The following LHFPL4 variants were observed in gnomAD, a reference collection of about 807,000 sequenced individuals.
LHFPL4 encodes the protein LHFPL tetraspan subfamily member 4.
A neutral mutation model predicts 20.0 loss-of-function variants in LHFPL4; 6 were observed. The ratio of observed to expected loss-of-function variants is 0.30; its 90% CI spans 0.16 to 0.59. LHFPL4 has a LOEUF of 0.59. Ranked by LOEUF, LHFPL4 falls within the 20% of genes least tolerant of loss-of-function variation. The pLI, the probability that LHFPL4 is intolerant of heterozygous loss-of-function variation, is 0.88. For missense variants in LHFPL4, 215 were observed against 331.2 expected (o/e 0.65, Z 2.72); for synonymous variants, 129 against 143.8 (o/e 0.90, Z 0.74).
chr3:9,520,081 C>G (rs907004872), intron 2 of LHFPL4, among the ~76,000 whole-genome samples: 3 of 152,226 alleles, frequency 2.0e-5, no homozygotes, highest in Non-Finnish European at 2.9e-5. Flanking sequence ...TATATGCATT[C>G]TATGCTATAA....
At chr3:9,534,533 T>A (rs2046433500) in intron 2 of LHFPL4, among the ~76,000 whole-genome samples, 1 of 152,196 alleles carries the variant, frequency 6.6e-6, no homozygotes, top group African/African-American at 2.4e-5. Flanking sequence ...TTTTCAGACA[T>A]ATTTATAAGA....
chr3:9,503,899 G>A (rs958912251), intron 3 of LHFPL4, among the ~76,000 whole-genome samples: 3 of 152,084 alleles, frequency 2.0e-5, no homozygotes, highest in Non-Finnish European at 4.4e-5. Flanking sequence ...GGTGGCGCAT[G>A]CCTGTAGTCC....
intron 2 of LHFPL4, chr3:9,550,515 T>C (rs1233895135): frequency 6.6e-6 from 1 of 152,168 alleles, no homozygotes; most frequent in Non-Finnish European, 1.5e-5. Flanking sequence ...TGAAATTCTA[T>C]TATTATATGG....
At chr3:9,512,803 T>C (rs1234632608) in intron 2 of LHFPL4, among the ~76,000 whole-genome samples, 4 of 152,222 alleles carry the variant, frequency 2.6e-5, no homozygotes, top group African/African-American at 9.6e-5. Flanking sequence ...GGAATGCAGA[T>C]GTGATGGTCA....
chr3:9,518,570 T>C (rs1363406292), intron 2 of LHFPL4, among the ~76,000 whole-genome samples: 1 of 152,238 alleles, frequency 6.6e-6, no homozygotes, highest in African/African-American at 2.4e-5. Flanking sequence ...TATTGATTAC[T>C]AATTCAATAG....
intron 2 of LHFPL4, among the ~76,000 whole-genome samples, chr3:9,514,229 C>T (rs2046282905): frequency 1.3e-5 from 2 of 151,952 alleles, no homozygotes; most frequent in Non-Finnish European, 2.9e-5. Flanking sequence ...AGCACTTGAG[C>T]CCAGAAGTTC....
intron 2 of LHFPL4, among the ~76,000 whole-genome samples, chr3:9,547,075 A>G (rs1464338270): frequency 2.6e-5 from 4 of 151,962 alleles, no homozygotes; most frequent in Non-Finnish European, 4.4e-5. Flanking sequence ...TGCAGCCTCA[A>G]CCTCCTGAGC....
intron 2 of LHFPL4, among the ~76,000 whole-genome samples, chr3:9,510,709 G>C (rs552383165): frequency 1.7e-4 from 26 of 152,050 alleles, no homozygotes; most frequent in Non-Finnish European, 2.8e-4. Context: ...AGGCCAAGAC[G>C]AGTGGATCAC....
intron 2 of LHFPL4, among the ~76,000 whole-genome samples, chr3:9,533,827 G>C (rs746563884): frequency 6.6e-6 from 1 of 151,922 alleles, no homozygotes; most frequent in African/African-American, 2.4e-5. Flanking sequence ...TGACTGGAAG[G>C]GGGAATGAGG....
At chr3:9,550,833 C>T (rs1358797639) in intron 2 of LHFPL4, 1 of 152,196 alleles carries the variant, frequency 6.6e-6, no homozygotes, top group Non-Finnish European at 1.5e-5. Flanking sequence ...ATGTCCACAT[C>T]TGCCTTCTTC....
chr3:9,502,837 A>G (rs547497028), intron 3 of LHFPL4, among the ~76,000 whole-genome samples: 2 of 152,286 alleles, frequency 1.3e-5, no homozygotes, highest in East Asian at 3.9e-4. Context: ...CATCTGCAAA[A>G]TAAGGATCAT....
At chr3:9,533,000 A>G (rs2046420143) in intron 2 of LHFPL4, among the ~76,000 whole-genome samples, 1 of 152,198 alleles carries the variant, frequency 6.6e-6, no homozygotes, top group African/African-American at 2.4e-5. Context: ...AAGCTGCCAA[A>G]GGAGCTTTCA....
At chr3:9,503,135 CGGA>C (rs1559513370) in intron 3 of LHFPL4, among the ~76,000 whole-genome samples, 3 of 152,002 alleles carry the variant, frequency 2.0e-5, no homozygotes, top group Non-Finnish European at 4.4e-5. Context: ...GCTTTTGGCT[CGGA>C]GGTCTTTGGG....
At chr3:9,539,309 G>T (rs973450319) in intron 2 of LHFPL4, among the ~76,000 whole-genome samples, 3 of 151,924 alleles carry the variant, frequency 2.0e-5, no homozygotes, top group Admixed American at 6.6e-5. Flanking sequence ...ACAAAAATTA[G>T]CTGGGCACGG....
intron 3 of LHFPL4, among the ~76,000 whole-genome samples, chr3:9,503,745 G>T (rs1238174231): frequency 6.6e-6 from 1 of 152,230 alleles, no homozygotes; most frequent in African/African-American, 2.4e-5. Context: ...CATACAATGT[G>T]CCAGGTAAGG....
intron 2 of LHFPL4, among the ~76,000 whole-genome samples, chr3:9,518,768 T>C (rs1407815989): frequency 6.6e-5 from 10 of 151,336 alleles, no homozygotes; most frequent in African/African-American, 1.9e-4. Flanking sequence ...CATTTCTTTT[T>C]TTTTTTTTTT....
chr3:9,552,257 T>C lies in LHFPL4; in HGVS notation c.406+17A>G, dbSNP rs2046559880. ...CCTGGCGCTTGTTCTGGGAGTTCCG[T>C]CCACCCCCTCCCCTACCTGCCAAGA... On this transcript the variant is annotated intron_variant, in intron 2 of 3. Transcript: ENST00000287585. 1.3e-6 allele frequency: 2 copies of C among 1,575,282 alleles called. No homozygotes were observed. The highest frequency in any genetic ancestry group is 1.7e-6 in the Non-Finnish European group (2 of 1,157,704).
intron 2 of LHFPL4, among the ~76,000 whole-genome samples, chr3:9,543,223 C>T (rs978647607): frequency 3.3e-5 from 5 of 152,046 alleles, no homozygotes; most frequent in Admixed American, 1.3e-4. Flanking sequence ...GGTCCTCGGC[C>T]GGGCATGGTG....
At chr3:9,532,318 C>A (rs1057341663) in intron 2 of LHFPL4, among the ~76,000 whole-genome samples, 3 of 152,044 alleles carry the variant, frequency 2.0e-5, no homozygotes, top group African/African-American at 7.3e-5. Flanking sequence ...CATGAGCCAC[C>A]GTGCCCGGCC....
Sources: allele counts gnomAD v4.1 joint callset (sites outside exome capture counted in the v4.1 genomes callset), GRCh38; gene constraint gnomAD v4.1.1; transcripts MANE v1.5; gene names NCBI Gene and HGNC (gene_info 2026-07-23, HGNC 2026-07-21).